ARHGAP39: variants seen among roughly 807,000 people sequenced by gnomAD.
ARHGAP39 encodes the protein Rho GTPase activating protein 39.
Under a neutral mutation model 106.9 loss-of-function variants are expected in ARHGAP39, and 44 were observed. That is an observed-to-expected ratio of 0.41 (90% CI 0.32 to 0.53). ARHGAP39 has a LOEUF of 0.53. Ranked by LOEUF, ARHGAP39 falls within the 20% of genes least tolerant of loss-of-function variation. The probability of loss-of-function intolerance (pLI) is 0.21; values close to 1 mark genes in which losing one functional copy is unlikely to be tolerated. For missense variants in ARHGAP39, 1,496 were observed against 1,577.3 expected (o/e 0.95, Z 0.87); for synonymous variants, 768 against 693.2 (o/e 1.11, Z -1.69).
chr8:144,558,568 C>G (rs892687929), intron 3 of ARHGAP39, among the ~76,000 whole-genome samples: 1 of 136,624 alleles, frequency 7.3e-6, no homozygotes, highest in African/African-American at 2.8e-5. Flanking sequence ...GCTGGCATTA[C>G]AGGCGTGAGT....
chr8:144,623,346 T>G (rs1409864840), intron 1 of ARHGAP39, among the ~76,000 whole-genome samples: 1 of 152,152 alleles, frequency 6.6e-6, no homozygotes, highest in Non-Finnish European at 1.5e-5. Flanking sequence ...ATAATTACAG[T>G]AATGTAAATG....
Position 144,640,040 on chromosome 8 carries a change from C to G in ARHGAP39, c.-81-34345G>C, listed in dbSNP as rs764761928. On this transcript the variant is annotated intron_variant, in intron 1 of 11. Coordinates refer to ENST00000377307, the MANE Select transcript of ARHGAP39 (RefSeq NM_025251.3). Reference sequence around the variant, plus strand: ...GTTACGGATGCAAGAACTACCCTTGCTCTCTGTAGAATATATTACAGGCGA... The same window carrying G: ...GTTACGGATGCAAGAACTACCCTTGGTCTCTGTAGAATATATTACAGGCGA... Among the ~76,000 whole-genome samples, 75 of 152,188 alleles carry G rather than the reference C, an allele frequency of 4.9e-4. 1 individual carries two copies. Among genetic ancestry groups the G allele is most frequent in the Admixed American group, 3.3e-4 (5 of 15,280 alleles).
intron 7 of ARHGAP39, 49 bp downstream of exon 7, chr8:144,537,672 G>A (rs1389531282): frequency 7.2e-6 from 11 of 1,530,062 alleles, no homozygotes; most frequent in Non-Finnish European, 8.1e-6. Flanking sequence ...AGGCTGGAGA[G>A]CAGAGCTGTG....
rs1159156736 is a variant in ARHGAP39, at chr8:144,547,601, C to T, written c.1485G>A (p.Lys495=). ...TGYSPGTRKR[K]SRKPSLCQAT... ...CTTGGCACAAAGAGGGCTTTCTGCTCTTCCGCTTGCGCGTGCCCGGGGAGT... is the reference window on the plus strand; with the variant it reads ...CTTGGCACAAAGAGGGCTTTCTGCTTTTCCGCTTGCGCGTGCCCGGGGAGT... The change falls in exon 5 of 12, where the codon AAG becomes AAA. Residue 495 remains lysine (K), a synonymous_variant. Coordinates refer to ENST00000377307, the MANE Select transcript of ARHGAP39 (RefSeq NM_025251.3). The surrounding 1 kb of genome is among the most constrained non-coding windows in gnomAD (Gnocchi z 5.2). 2 of 1,480,966 alleles carry T rather than the reference C, an allele frequency of 1.4e-6. No homozygotes were observed. Among genetic ancestry groups the T allele is most frequent in the East Asian group, 4.8e-5 (2 of 41,522 alleles). 91.7% of individuals were successfully genotyped at this position (1,480,966 alleles called of 1,614,324 possible).
chr8:144,599,659 G>A (rs951058231), intron 2 of ARHGAP39, among the ~76,000 whole-genome samples: 6 of 151,738 alleles, frequency 4.0e-5, no homozygotes, highest in South Asian at 2.1e-4. Context: ...ATAAAAAGGG[G>A]GACAAAAAAA....
chr8:144,580,491 C>G (rs1203692586), intron 3 of ARHGAP39, among the ~76,000 whole-genome samples: 1 of 152,222 alleles, frequency 6.6e-6, no homozygotes, highest in African/African-American at 2.4e-5. Context: ...AAAGTGCTCA[C>G]TGGGGACAGC....
chr8:144,691,269 G>C, the ARHGAP39 span, among the ~76,000 whole-genome samples: 1 of 152,190 alleles, frequency 6.6e-6, no homozygotes, highest in East Asian at 1.9e-4. Context: ...ATCCAGGAGA[G>C]AGCTGGCTTT....
chr8:144,551,697 C>T (rs1171720828), intron 4 of ARHGAP39, among the ~76,000 whole-genome samples: 4 of 151,826 alleles, frequency 2.6e-5, no homozygotes, highest in African/African-American at 9.7e-5. Context: ...CATCACCTGG[C>T]CCTTCTCCTC....
At chr8:144,655,727 T>G (rs1821677124) in intron 1 of ARHGAP39, among the ~76,000 whole-genome samples, 1 of 152,146 alleles carries the variant, frequency 6.6e-6, no homozygotes, top group Non-Finnish European at 1.5e-5. Flanking sequence ...CATACCTCAT[T>G]CTTCCTGGAT....
intron 1 of ARHGAP39, among the ~76,000 whole-genome samples, chr8:144,675,908 C>T (rs563163976): frequency 1.1e-4 from 17 of 152,058 alleles, no homozygotes; most frequent in African/African-American, 4.1e-4. Flanking sequence ...TGCAGACCTT[C>T]GCGGTGAGTG....
At chr8:144,698,128 C>T in the ARHGAP39 span, among the ~76,000 whole-genome samples, 5 of 152,128 alleles carry the variant, frequency 3.3e-5, no homozygotes, top group African/African-American at 7.2e-5. Context: ...CTCATGAATG[C>T]GTGGTGCCCT....
At position 144,566,542 on chromosome 8, in the gene ARHGAP39, C is replaced by T. The variant is rs536752176; in HGVS notation, c.513-10899G>A. On this transcript the variant is annotated intron_variant, in intron 3 of 11. Transcript: ENST00000377307. ...TCCACTCCAGCCTGGGTGAAAGAGC[C>T]AGACCCTGCCTCAAAAAAATAGAAT... Among the ~76,000 whole-genome samples, 4 of 152,114 alleles carry T rather than the reference C, an allele frequency of 2.6e-5. No homozygotes were observed. The South Asian group carries it at 8.3e-4, about 32-fold the overall frequency.
At position 144,670,526 on chromosome 8, in the gene ARHGAP39, A is replaced by C. The variant is rs1016591499; in HGVS notation, c.-82+15160T>G. Among the ~76,000 whole-genome samples, 1 of 152,124 alleles carries C rather than the reference A, an allele frequency of 6.6e-6. No homozygotes were observed. Among genetic ancestry groups the C allele is most frequent in the African/African-American group, 2.4e-5 (1 of 41,416 alleles). ...GACATAAAAGCCTGGGCAAGGCTTC[A>C]AGAAGACTATTTTGGGTGGGCTCTT... On this transcript the variant is annotated intron_variant, in intron 1 of 11. Transcript: ENST00000377307. The surrounding 1 kb of genome is among the most constrained non-coding windows in gnomAD (Gnocchi z 4.4).
chr8:144,536,040 A>G (rs1431149080), intron 7 of ARHGAP39, among the ~76,000 whole-genome samples: 1 of 152,114 alleles, frequency 6.6e-6, no homozygotes, highest in Non-Finnish European at 1.5e-5. Flanking sequence ...GCACAGGGCC[A>G]GGCACCAAGG....
chr8:144,648,149 A>C (rs573808947), intron 1 of ARHGAP39, among the ~76,000 whole-genome samples: 30 of 152,222 alleles, frequency 2.0e-4, no homozygotes, highest in South Asian at 1.2e-3. Flanking sequence ...ACAAGATGGC[A>C]CCAGCTGCTC....
chr8:144,576,620 G>C (rs2130892820), intron 3 of ARHGAP39, among the ~76,000 whole-genome samples: 1 of 152,332 alleles, frequency 6.6e-6, no homozygotes, highest in South Asian at 2.1e-4. Flanking sequence ...CCTAATTGCA[G>C]AGACGAGTCA....
chr8:144,574,410 C>T (rs1222788151), intron 3 of ARHGAP39, among the ~76,000 whole-genome samples: 4 of 152,186 alleles, frequency 2.6e-5, no homozygotes, highest in South Asian at 4.1e-4. Context: ...GTGGCTCATG[C>T]CTGTAATCCC....
intron 1 of ARHGAP39, among the ~76,000 whole-genome samples, chr8:144,615,286 C>T (rs1168685748): frequency 6.6e-6 from 1 of 152,104 alleles, no homozygotes; most frequent in Non-Finnish European, 1.5e-5. Flanking sequence ...TGGCACTGCG[C>T]TCTAGCCTGG....
At position 144,671,920 on chromosome 8, in the gene ARHGAP39, A is replaced by C. The variant is rs1201355968; in HGVS notation, c.-82+13766T>G. ...GGGTGGGCCTGGCAAACACAAGACC[A>C]GGTGTGAGAGCCCTGCCAGAGCAAT... On this transcript the variant is annotated intron_variant, in intron 1 of 11. Coordinates refer to ENST00000377307, the MANE Select transcript of ARHGAP39 (RefSeq NM_025251.3). This position sits in a 1 kb window ranked among gnomAD's most constrained non-coding sequence, Gnocchi z 4.5. Among the ~76,000 whole-genome samples, 2 of 152,230 alleles carry C rather than the reference A, an allele frequency of 1.3e-5. No individual in the cohort carries two copies. Among genetic ancestry groups the C allele is most frequent in the African/African-American group, 2.4e-5 (1 of 41,454 alleles).
Sources: gnomAD v4.1 joint callset for allele counts (sites outside exome capture counted in the v4.1 genomes callset) on GRCh38, gnomAD v4.1.1 for gene constraint, Gnocchi (gnomAD v3.1) non-coding constraint, MANE v1.5 for transcripts, NCBI Gene and HGNC (gene_info 2026-07-23, HGNC 2026-07-21) for gene names.